The following STXBP5L variants were observed in gnomAD, a reference collection of about 807,000 sequenced individuals.
The protein encoded by STXBP5L is syntaxin-binding protein 5-like.
In STXBP5L, 65 loss-of-function variants were observed where a neutral mutation model predicts 144.5. The observed-to-expected ratio is 0.45, with a 90% CI of 0.37 to 0.55. The LOEUF is 0.55. STXBP5L is among the 20% of genes least tolerant of loss of function. The pLI, the probability that STXBP5L is intolerant of heterozygous loss-of-function variation, is 0.00. For synonymous variants in STXBP5L, 505 were observed against 469.6 expected (o/e 1.08, Z -0.97); for missense variants, 1,298 against 1,405.5 (o/e 0.92, Z 1.22).
At chr3:120,936,878 T>C (rs187918599) in intron 2 of STXBP5L, among the ~76,000 whole-genome samples, 16 of 152,242 alleles carry the variant, frequency 1.1e-4, no homozygotes, top group Admixed American at 9.8e-4. Context: ...CCTGTTATTA[T>C]AGGAGCCCTA....
chr3:121,208,104 C>A (rs1437267611), intron 10 of STXBP5L, among the ~76,000 whole-genome samples: 1 of 152,052 alleles, frequency 6.6e-6, no homozygotes, highest in Non-Finnish European at 1.5e-5. Context: ...CAGTGATAGA[C>A]TGGATTAAGA....
intron 5 of STXBP5L, among the ~76,000 whole-genome samples, chr3:121,065,722 G>C (rs1011496153): frequency 1.3e-5 from 2 of 152,102 alleles, no homozygotes; most frequent in Non-Finnish European, 2.9e-5. Context: ...TGGCTTATTT[G>C]AGAATTAAAA....
intron 2 of STXBP5L, among the ~76,000 whole-genome samples, chr3:120,928,530 G>A (rs1476809601): frequency 1.3e-5 from 2 of 151,932 alleles, no homozygotes; most frequent in East Asian, 3.9e-4. Context: ...CAAAGTGCTG[G>A]GATTACAAGT....
intron 3 of STXBP5L, among the ~76,000 whole-genome samples, chr3:120,959,208 C>A (rs1217674174): frequency 2.0e-5 from 3 of 152,046 alleles, no homozygotes; most frequent in Admixed American, 6.5e-5. Flanking sequence ...CGTGAAGGAC[C>A]TCTTCAAGGA....
chr3:121,212,111 T>A (rs773306283), intron 10 of STXBP5L, among the ~76,000 whole-genome samples: 3 of 152,218 alleles, frequency 2.0e-5, no homozygotes, highest in Admixed American at 1.3e-4. Flanking sequence ...ATTTTGGATA[T>A]TAGCCCTTTG....
chr3:120,976,756 A>G (rs1279068796), intron 3 of STXBP5L, among the ~76,000 whole-genome samples: 1 of 152,100 alleles, frequency 6.6e-6, no homozygotes, highest in Non-Finnish European at 1.5e-5. Context: ...CTTTGTTCTC[A>G]CTGGTTTCAA....
At chr3:121,014,486 A>G (rs558627840) in intron 3 of STXBP5L, among the ~76,000 whole-genome samples, 64 of 152,152 alleles carry the variant, frequency 4.2e-4, no homozygotes, top group African/African-American at 1.5e-3. Context: ...CTTATTTATC[A>G]GTAGTTCATG....
chr3:120,976,187 G>T (rs931860321), intron 3 of STXBP5L, among the ~76,000 whole-genome samples: 5 of 152,142 alleles, frequency 3.3e-5, no homozygotes, highest in African/African-American at 9.7e-5. Flanking sequence ...ACTCTTTTTG[G>T]TTGGTAAGCT....
chr3:120,940,953 G>C (rs1710539486), intron 2 of STXBP5L, among the ~76,000 whole-genome samples: 1 of 151,634 alleles, frequency 6.6e-6, no homozygotes. Context: ...TATGAGAGAT[G>C]ATGAGATAGT....
chr3:121,016,686 GA>G (rs1392864412), intron 3 of STXBP5L, among the ~76,000 whole-genome samples: 20 of 152,278 alleles, frequency 1.3e-4, no homozygotes, highest in Admixed American at 3.3e-4. Context: ...GAGCAAAACA[GA>G]AGAACTATAT....
At chr3:121,281,947 A>C (rs1357725884) in intron 19 of STXBP5L, among the ~76,000 whole-genome samples, 1 of 151,634 alleles carries the variant, frequency 6.6e-6, no homozygotes, top group East Asian at 1.9e-4. Flanking sequence ...TTTTGTAAAA[A>C]CATATAAGGA....
At chr3:120,974,506 G>C (rs1047894565) in intron 3 of STXBP5L, among the ~76,000 whole-genome samples, 2 of 151,330 alleles carry the variant, frequency 1.3e-5, no homozygotes, top group Admixed American at 1.3e-4. Flanking sequence ...TGTTCACTCT[G>C]ATGGTATTTT....
At chr3:120,980,987 C>G (rs1377802868) in intron 3 of STXBP5L, among the ~76,000 whole-genome samples, 1 of 151,972 alleles carries the variant, frequency 6.6e-6, no homozygotes, top group Non-Finnish European at 1.5e-5. Context: ...ATACAAAATC[C>G]TTTGCTAGAT....
chr3:121,363,239 C>G (rs2108643239), intron 20 of STXBP5L, among the ~76,000 whole-genome samples: 1 of 152,252 alleles, frequency 6.6e-6, no homozygotes, highest in South Asian at 2.1e-4. Context: ...TTGGCTGACC[C>G]AGCTGGTGTC....
intron 9 of STXBP5L, among the ~76,000 whole-genome samples, chr3:121,199,944 C>G (rs2048073771): frequency 6.6e-6 from 1 of 151,966 alleles, no homozygotes; most frequent in Non-Finnish European, 1.5e-5. Context: ...CTGAAATTTT[C>G]TTTTTTTCTT....
chr3:121,120,672 A>C (rs2044417802), intron 6 of STXBP5L, among the ~76,000 whole-genome samples: 1 of 151,300 alleles, frequency 6.6e-6, no homozygotes, highest in African/African-American at 2.4e-5. Flanking sequence ...AGTCAGCACC[A>C]GGAGATCCTA....
At chr3:120,938,403 G>T (rs1172907625) in intron 2 of STXBP5L, among the ~76,000 whole-genome samples, 2 of 152,030 alleles carry the variant, frequency 1.3e-5, no homozygotes, top group African/African-American at 4.8e-5. Flanking sequence ...TATATACTTA[G>T]AATTCTTCCT....
chr3:121,134,481 T>C (rs975150201), intron 7 of STXBP5L, among the ~76,000 whole-genome samples: 11 of 152,134 alleles, frequency 7.2e-5, no homozygotes, highest in African/African-American at 2.7e-4. Context: ...TGTATACATG[T>C]GCCATGTTGG....
chr3:121,103,390 A>G (rs1032107142), intron 5 of STXBP5L, among the ~76,000 whole-genome samples: 2 of 152,172 alleles, frequency 1.3e-5, no homozygotes, highest in African/African-American at 4.8e-5. Flanking sequence ...CTTTGCAGCT[A>G]TTTGGATGCA....
Sources: gnomAD v4.1 joint callset for allele counts (sites outside exome capture counted in the v4.1 genomes callset) on GRCh38, gnomAD v4.1.1 for gene constraint, MANE v1.5 for transcripts, NCBI Gene and HGNC (gene_info 2026-07-23, HGNC 2026-07-21) for gene names.